Variants in ARHGAP19 observed in about 807,000 individuals in gnomAD.
The protein encoded by ARHGAP19 is rho GTPase-activating protein 19.
In ARHGAP19, 48 loss-of-function variants were observed where a neutral mutation model predicts 60.9. The ratio of observed to expected loss-of-function variants is 0.79; its 90% CI spans 0.62 to 1.00. ARHGAP19 has a LOEUF of 1.00. Among genes scored for constraint, ARHGAP19 ranks in the 50% least tolerant of loss-of-function variants. The probability of loss-of-function intolerance (pLI) is 0.00; values close to 1 mark genes in which losing one functional copy is unlikely to be tolerated. For missense variants in ARHGAP19, 562 were observed against 597.2 expected (o/e 0.94, Z 0.61); for synonymous variants, 209 against 215.5 (o/e 0.97, Z 0.27).
chr10:97,270,234 A>C (rs757293641), intron 1 of ARHGAP19, among the ~76,000 whole-genome samples: 1 of 152,074 alleles, frequency 6.6e-6, no homozygotes, highest in Non-Finnish European at 1.5e-5. Context: ...TAATTTCCTT[A>C]AGCTAGTTCT....
chr10:97,260,316 G>T (rs1842813064), intron 4 of ARHGAP19, among the ~76,000 whole-genome samples: 1 of 150,332 alleles, frequency 6.7e-6, no homozygotes, highest in Admixed American at 6.6e-5. Flanking sequence ...GGATCACAAG[G>T]TCAGGAGATC....
chr10:97,259,823 A>G (rs1460878279), intron 4 of ARHGAP19, among the ~76,000 whole-genome samples, 195 bp from the exon 5 acceptor site: 5 of 40,584 alleles, frequency 1.2e-4, no homozygotes, highest in Admixed American at 1.2e-3. Context: ...AAAAGATTAA[A>G]AAACCTGTTT....
chr10:97,286,463 A>G (rs746396981), intron 1 of ARHGAP19, among the ~76,000 whole-genome samples: 3 of 152,188 alleles, frequency 2.0e-5, no homozygotes, highest in Non-Finnish European at 4.4e-5. Flanking sequence ...GTGGTGGCAC[A>G]TGGCTGTAGT....
intron 6 of ARHGAP19, among the ~76,000 whole-genome samples, chr10:97,255,947 G>A (rs1193744900): frequency 6.6e-6 from 1 of 152,170 alleles, no homozygotes; most frequent in African/African-American, 2.4e-5. Flanking sequence ...AATACAGCCT[G>A]TTTGGATTGA....
At chr10:97,284,426 A>AT (rs1444896287) in intron 1 of ARHGAP19, among the ~76,000 whole-genome samples, 3 of 151,568 alleles carry the variant, frequency 2.0e-5, no homozygotes, top group African/African-American at 7.3e-5. Context: ...ACCAGCCCCC[A>AT]TTTTTTTCTA....
chr10:97,263,275 A>G, intron 4 of ARHGAP19, 145 bp downstream of exon 4: 1 of 761,856 alleles, frequency 1.3e-6, no homozygotes, highest in Non-Finnish European at 2.1e-6. Context: ...ACCTATGAGT[A>G]CCCAGAGAAG....
At chr10:97,246,987 A>G (rs971209779) in intron 6 of ARHGAP19, among the ~76,000 whole-genome samples, 5 of 152,062 alleles carry the variant, frequency 3.3e-5, no homozygotes, top group African/African-American at 1.2e-4. Context: ...AAAATACAAA[A>G]TTAGCCGGGT....
At chr10:97,285,638 C>G in intron 1 of ARHGAP19, among the ~76,000 whole-genome samples, 1 of 151,230 alleles carries the variant, frequency 6.6e-6, no homozygotes, top group South Asian at 2.1e-4. Flanking sequence ...TATCCTGCCT[C>G]AGCCTCCCTA....
At chr10:97,266,689 C>T (rs576271967) in intron 1 of ARHGAP19, among the ~76,000 whole-genome samples, 6 of 152,202 alleles carry the variant, frequency 3.9e-5, no homozygotes, top group African/African-American at 1.2e-4. Flanking sequence ...CTGGGGAGGC[C>T]TCACAATCAT....
rs534860694 is a variant in ARHGAP19, at chr10:97,261,676, A to G, written c.613+1744T>C. Among the ~76,000 whole-genome samples the G allele has an allele frequency of 1.2e-4, 19 of 152,352 alleles. No homozygotes were observed. In the East Asian group the frequency reaches 3.7e-3, roughly 29 times the overall value. ...AATCGTATTAGATTTTTAAAATTCA[A>G]CACTTGTTTCTTTAAGTAGTAAAAA... On this transcript the variant is annotated intron_variant, in intron 4 of 11. Coordinates refer to ENST00000358531, the MANE Select transcript of ARHGAP19 (RefSeq NM_032900.6).
At chr10:97,242,005 GCCTC>G in intron 8 of ARHGAP19, among the ~76,000 whole-genome samples, 1 of 139,322 alleles carries the variant, frequency 7.2e-6, no homozygotes. Flanking sequence ...GTGAGACTCT[GCCTC>G]AAAAAAAAAA....
intron 5 of ARHGAP19, among the ~76,000 whole-genome samples, chr10:97,258,982 T>C (rs774813159): frequency 6.6e-6 from 1 of 152,210 alleles, no homozygotes; most frequent in Non-Finnish European, 1.5e-5. Context: ...TGTCATCTCA[T>C]CTATAAATCC....
At chr10:97,285,084 T>TA (rs2134926734) in intron 1 of ARHGAP19, among the ~76,000 whole-genome samples, 1 of 151,428 alleles carries the variant, frequency 6.6e-6, no homozygotes, top group East Asian at 2.0e-4. Context: ...AGGCTGGTCT[T>TA]AAACTCCTGA....
intron 6 of ARHGAP19, among the ~76,000 whole-genome samples, chr10:97,251,411 A>G (rs1393984617): frequency 3.4e-4 from 11 of 32,628 alleles, no homozygotes; most frequent in East Asian, 1.1e-3. Flanking sequence ...AAGGGAAGGG[A>G]AAGGAAGGGG....
intron 1 of ARHGAP19, among the ~76,000 whole-genome samples, chr10:97,292,149 T>C (rs72838716): frequency 0.089 from 13,570 of 152,230 alleles, 675 homozygotes; most frequent in African/African-American, 0.13. Flanking sequence ...GACTCAACAC[T>C]GTTTCTAATT....
At position 97,243,790 on chromosome 10, in the gene ARHGAP19, C is replaced by A. The variant is rs191401974; in HGVS notation, c.1185+178G>T. 3.2e-3 allele frequency among the ~76,000 whole-genome samples: 485 copies of A among 152,276 alleles called. 3 individuals are homozygous for A. The highest frequency in any genetic ancestry group is 5.7e-3 in the Non-Finnish European group (389 of 68,020). On this transcript the variant is annotated intron_variant, in intron 8 of 11. Coordinates refer to ENST00000358531, the MANE Select transcript of ARHGAP19 (RefSeq NM_032900.6). The stretch of plus-strand genomic sequence containing the variant: ...TCCTGCTTAACTAGAAATCAAGAGA[C>A]TCCACTCCCTTCTGTAGTGGAGCAA...
chr10:97,280,243 C>T (rs1235241796), intron 1 of ARHGAP19, among the ~76,000 whole-genome samples: 1 of 151,930 alleles, frequency 6.6e-6, no homozygotes, highest in Non-Finnish European at 1.5e-5. Flanking sequence ...CCCATCTCTA[C>T]TAAAAATACA....
chr10:97,291,760 G>A (rs1027875930), intron 1 of ARHGAP19, among the ~76,000 whole-genome samples: 1 of 152,160 alleles, frequency 6.6e-6, no homozygotes, highest in Non-Finnish European at 1.5e-5. Flanking sequence ...CTGAGGCAAC[G>A]TAAATAAACT....
intron 8 of ARHGAP19, 98 bp downstream of exon 8, chr10:97,243,870 C>T (rs1016844833): frequency 1.7e-5 from 22 of 1,260,974 alleles, no homozygotes; most frequent in Non-Finnish European, 1.8e-5. Context: ...CTCAGCTGAA[C>T]CAAAAATTAA....
Sources: gnomAD v4.1 joint callset for allele counts (sites outside exome capture counted in the v4.1 genomes callset) on GRCh38, gnomAD v4.1.1 for gene constraint, MANE v1.5 for transcripts, NCBI Gene and HGNC (gene_info 2026-07-23, HGNC 2026-07-21) for gene names.